B9D1: variants seen among roughly 807,000 people sequenced by gnomAD.
The protein encoded by B9D1 is B9 domain containing 1, also known as B9 domain-containing protein 1.
In B9D1, 20 loss-of-function variants were observed where a neutral mutation model predicts 26.1. The ratio of observed to expected loss-of-function variants is 0.77; its 90% CI spans 0.54 to 1.12. The LOEUF is 1.12. Ranked by LOEUF, B9D1 falls within the 50% of genes most tolerant of loss-of-function variation. The pLI, the probability that B9D1 is intolerant of heterozygous loss-of-function variation, is 0.00. For missense variants in B9D1, 260 were observed against 273.7 expected, an observed-to-expected ratio of 0.95 and a Z score of 0.35; for synonymous variants, 105 against 103.1, an observed-to-expected ratio of 1.02 and a Z score of -0.11.
rs1328060551 is a variant in B9D1 at position 19,347,333 on chromosome 17, T to G, written c.342-2A>C. 1.2e-6 allele frequency: 2 copies of G among 1,614,080 alleles called. No homozygotes were observed. Among genetic ancestry groups the G allele is most frequent in the Non-Finnish European group, 1.7e-6 (2 of 1,180,036 alleles). On this transcript the variant is annotated splice_acceptor_variant, in intron 4 of 6. Transcript: ENST00000261499. LOFTEE classifies it high-confidence loss of function. The surrounding 1 kb of genome is among the most constrained non-coding windows in gnomAD (Gnocchi z 4.3). ...AACATGGGGATGGTCCTTTTGTGCC[T>G]GAAACAAATGTTTTTGCAGACAGAG...
chr17:19,347,000 C>T lies in B9D1; in HGVS notation c.404+269G>A, dbSNP rs1238214666. On this transcript the variant is annotated intron_variant, in intron 5 of 6. Coordinates refer to ENST00000261499, the MANE Select transcript of B9D1 (RefSeq NM_015681.6). The stretch of plus-strand genomic sequence containing the variant: ...TCACATTATGTCATGAGCATTTTTC[C>T]CATCTGACAAGAGTTTTTCCTCTGC... The T allele has an allele frequency of 7.2e-6, 11 of 1,536,416 alleles. 1 individual carries two copies. In the African/African-American group the frequency reaches 9.6e-5, roughly 13 times the overall value.
intron 2 of B9D1, among the ~76,000 whole-genome samples, chr17:19,358,187 C>T (rs2152274195): frequency 6.6e-6 from 1 of 152,302 alleles, no homozygotes; most frequent in Middle Eastern, 3.4e-3. Context: ...CACAAGGGCA[C>T]TAGATCTGGT....
chr17:19,356,830 G>A (rs1598080510), intron 3 of B9D1, among the ~76,000 whole-genome samples: 2 of 152,288 alleles, frequency 1.3e-5, no homozygotes, highest in African/African-American at 4.8e-5. Flanking sequence ...TTGCTTTTGT[G>A]TATTACATTT....
intron 3 of B9D1, among the ~76,000 whole-genome samples, chr17:19,350,290 A>T (rs1222150051): frequency 1.3e-5 from 2 of 152,154 alleles, no homozygotes; most frequent in African/African-American, 4.8e-5. Flanking sequence ...TCACACCTGT[A>T]ATCCCAGCAC....
downstream of B9D1, chr17:19,335,611 A>T (rs762207265): frequency 3.0e-5 from 18 of 605,586 alleles, no homozygotes; most frequent in Non-Finnish European, 4.7e-5. Flanking sequence ...CCCTAGGCTA[A>T]GACAGGGGTG....
At chr17:19,341,844 A>C (rs1313284586), downstream of B9D1, among the ~76,000 whole-genome samples, 2 of 152,164 alleles carry the variant, frequency 1.3e-5, no homozygotes, top group Non-Finnish European at 2.9e-5. Flanking sequence ...CAAGAGTTCT[A>C]AACTGGGCTG....
At chr17:19,375,368 A>G (rs1912057795) in intron 1 of B9D1, among the ~76,000 whole-genome samples, 1 of 152,240 alleles carries the variant, frequency 6.6e-6, no homozygotes, top group South Asian at 2.1e-4. Context: ...TGGCCAATAA[A>G]CCGTGAAAAC....
chr17:19,346,954 CTT>C (rs754106852), intron 5 of B9D1: 94 of 1,500,080 alleles, frequency 6.3e-5, no homozygotes, highest in Middle Eastern at 4.8e-4. Flanking sequence ...GCTATATCCT[CTT>C]GTTTCCCACC....
At position 19,362,718 on chromosome 17, in the gene B9D1, GCA is replaced by G. The variant is rs1366860483; in HGVS notation, c.-151_-150del. Reference sequence around the variant, plus strand: ...CGAAGGCCACGCGAGTGCGCGTGTGGCATGCGCAGGCGCAGTGAACGGGCGCC... The same window carrying G: ...CGAAGGCCACGCGAGTGCGCGTGTGGTGCGCAGGCGCAGTGAACGGGCGCC... On this transcript the variant is annotated 5_prime_UTR_variant, in exon 1 of 7. An upstream start codon of the reference 5' UTR is lost. Transcript: ENST00000261499. The G allele has an allele frequency of 6.6e-7, 1 of 1,526,454 alleles. No individual in the cohort carries two copies. Among genetic ancestry groups the G allele is most frequent in the Non-Finnish European group, 8.8e-7 (1 of 1,139,860 alleles). 94.6% of individuals were successfully genotyped at this position (1,526,454 alleles called of 1,614,324 possible). A position where few individuals can be genotyped will look rare whatever the true frequency, so the allele number is the denominator to read the frequency against.
downstream of B9D1, among the ~76,000 whole-genome samples, chr17:19,341,946 G>T (rs1908016574): frequency 6.6e-6 from 1 of 152,188 alleles, no homozygotes; most frequent in Non-Finnish European, 1.5e-5. Flanking sequence ...GCACAGGGAA[G>T]CGCCACATGA....
downstream of B9D1, chr17:19,335,291 T>C (rs184887051): frequency 6.4e-6 from 7 of 1,097,708 alleles, no homozygotes; most frequent in East Asian, 1.6e-4. Context: ...GGCTAGATCC[T>C]GAGAGGCTAT....
At chr17:19,340,033 ACCCC>A (rs56279237), downstream of B9D1, among the ~76,000 whole-genome samples, 69,086 of 111,236 alleles carry the variant, frequency 0.62, 24,996 homozygotes, top group Non-Finnish European at 0.81. Context: ...CACATGCCCA[ACCCC>A]CCCCCCCCCC....
chr17:19,343,479 G>C lies in B9D1; in HGVS notation c.473-18C>G, dbSNP rs1337794585. Reference sequence around the variant, plus strand: ...ACGGGTCACTGGGGACAGAAGGGCAGCATCAGCCAGGCTGGGCTGGGGCAG... The same window carrying C: ...ACGGGTCACTGGGGACAGAAGGGCACCATCAGCCAGGCTGGGCTGGGGCAG... On this transcript the variant is annotated intron_variant, in intron 6 of 6. Transcript: ENST00000261499. The C allele has an allele frequency of 3.1e-6, 5 of 1,614,138 alleles. No individual in the cohort carries two copies. The South Asian group carries it at 5.5e-5, about 18-fold the overall frequency.
rs182091631 is a variant in B9D1, at chr17:19,360,088, C to T, written c.132+232G>A. 3.4e-4 allele frequency among the ~76,000 whole-genome samples: 52 copies of T among 152,224 alleles called. No homozygotes were observed. The East Asian group carries it at 6.0e-3, about 17-fold the overall frequency. On this transcript the variant is annotated intron_variant, in intron 2 of 6. Coordinates refer to ENST00000261499, the MANE Select transcript of B9D1 (RefSeq NM_015681.6). Reference sequence around the variant, plus strand: ...CTGCAGGTGTTGCTCTTTGCTGCCCCGGGGAAGCTCACAGGGTAGGGCTTC... The same window carrying T: ...CTGCAGGTGTTGCTCTTTGCTGCCCTGGGGAAGCTCACAGGGTAGGGCTTC...
At chr17:19,369,958 G>A (rs1296196577) in intron 1 of B9D1, among the ~76,000 whole-genome samples, 2 of 151,984 alleles carry the variant, frequency 1.3e-5, no homozygotes, top group African/African-American at 2.4e-5. Flanking sequence ...GACCACACCC[G>A]CCCCTCCGTC....
In B9D1 at chr17:19,362,519, C is replaced by T; in HGVS notation, c.51G>A (p.Val17=). Residue 17 remains valine, a synonymous_variant, in exon 1 of 7, where the codon GTG becomes GTA. Transcript: ENST00000261499. The part of the protein sequence containing the change: ...SVFLLMVNGQ[V]ESAQFPEYDD... Reference sequence around the variant, plus strand: ...CACGGCCGCTCACCTGGGCGCTCTCCACCTGCCCGTTGACCATGAGTAGAA... The same window carrying T: ...CACGGCCGCTCACCTGGGCGCTCTCTACCTGCCCGTTGACCATGAGTAGAA... 6.3e-7 allele frequency: 1 copy of T among 1,576,730 alleles called. No homozygotes were observed.
chr17:19,335,478 T>C, downstream of B9D1: 1 of 1,549,336 alleles, frequency 6.5e-7, no homozygotes, highest in South Asian at 1.2e-5. Flanking sequence ...ACCTTGTGTG[T>C]CTGTGATCTC....
upstream of B9D1, among the ~76,000 whole-genome samples, chr17:19,365,047 C>A (rs1395742039): frequency 6.6e-6 from 1 of 152,266 alleles, no homozygotes; most frequent in Non-Finnish European, 1.5e-5. This position sits in a 1 kb window ranked among gnomAD's most constrained non-coding sequence, Gnocchi z 5.0. Context: ...CTGCTCCCAT[C>A]CTTACTGAAA....
rs753785719 is a variant in B9D1, at chr17:19,343,337, G to C, written c.597C>G (p.Pro199=). Residue 199 remains proline, a synonymous_variant, in exon 7 of 7, where the codon CCC becomes CCG. Coordinates refer to ENST00000261499, the MANE Select transcript of B9D1 (RefSeq NM_015681.6). ...GGAGCCTTCACTGGGGGAAGCTCTG[G>C]GGTGGGCTGGGCCCCAACACACCCT... ...DTQGVLGPSP[P]QSFPQ 7.5e-5 allele frequency: 121 copies of C among 1,614,052 alleles called. 1 individual carries two copies. In the Admixed American group the frequency reaches 1.5e-3, roughly 20 times the overall value.
Sources: gnomAD v4.1 joint callset for allele counts (sites outside exome capture counted in the v4.1 genomes callset) on GRCh38, gnomAD v4.1.1 for gene constraint, Gnocchi (gnomAD v3.1) non-coding constraint, MANE v1.5 for transcripts, NCBI Gene and HGNC (gene_info 2026-07-23, HGNC 2026-07-21) for gene names.